MACROD2: variants seen among roughly 807,000 people sequenced by gnomAD.
The protein encoded by MACROD2 is mono-ADP ribosylhydrolase 2.
Under a neutral mutation model 70.4 loss-of-function variants are expected in MACROD2, and 36 were observed. The observed-to-expected ratio is 0.51, with a 90% CI of 0.39 to 0.68. MACROD2 has a LOEUF of 0.68. Ranked by LOEUF, MACROD2 falls within the 30% of genes least tolerant of loss-of-function variation. The pLI is 0.00. For missense variants in MACROD2, 496 were observed against 538.4 expected, an observed-to-expected ratio of 0.92 and a Z score of 0.78; for synonymous variants, 172 against 178.8, an observed-to-expected ratio of 0.96 and a Z score of 0.30.
At chr20:14,027,265 G>A (rs1318393999) in intron 2 of MACROD2, among the ~76,000 whole-genome samples, 1 of 151,916 alleles carries the variant, frequency 6.6e-6, no homozygotes, top group Non-Finnish European at 1.5e-5. Flanking sequence ...ATTGATACTT[G>A]TATATGCTTC....
At chr20:14,140,864 C>G (rs2054863752) in intron 3 of MACROD2, among the ~76,000 whole-genome samples, 1 of 152,274 alleles carries the variant, frequency 6.6e-6, no homozygotes. Flanking sequence ...ATCTAGCCCT[C>G]TATATGGATC....
chr20:15,479,263 C>G (rs80216057), intron 7 of MACROD2, among the ~76,000 whole-genome samples: 2,654 of 124,234 alleles, frequency 0.021, 101 homozygotes, highest in African/African-American at 0.085. Context: ...GATTCTCGCT[C>G]TCTTTTTTTT....
chr20:15,436,877 A>T (rs2046434281), intron 7 of MACROD2, among the ~76,000 whole-genome samples: 1 of 152,004 alleles, frequency 6.6e-6, no homozygotes, highest in South Asian at 2.1e-4. Context: ...TCCTGGTGGC[A>T]CTCTTTTTCT....
intron 5 of MACROD2, among the ~76,000 whole-genome samples, chr20:15,193,169 T>C (rs1001967665): frequency 6.6e-6 from 1 of 152,238 alleles, no homozygotes; most frequent in South Asian, 2.1e-4. Flanking sequence ...TTTTCTTTAC[T>C]TCTTTCTTTA....
chr20:15,713,986 T>C (rs1410780275), intron 8 of MACROD2, among the ~76,000 whole-genome samples: 2 of 97,418 alleles, frequency 2.1e-5, no homozygotes, highest in Admixed American at 9.5e-5. Flanking sequence ...CACACACATA[T>C]GCACACACAC....
Position 13,995,843 on chromosome 20 carries a change from G to A in MACROD2, c.46+34G>A. 1 of 1,542,430 alleles carries A rather than the reference G, an allele frequency of 6.5e-7. No individual in the cohort carries two copies. Among genetic ancestry groups the A allele is most frequent in the Non-Finnish European group, 8.8e-7 (1 of 1,140,754 alleles). Reference sequence around the variant, plus strand: ...CCCGTCGAGTCCTGGGGGTGCGGGCGGTGGGGGTTAGGGTGGGGGCGGGGG... The same window carrying A: ...CCCGTCGAGTCCTGGGGGTGCGGGCAGTGGGGGTTAGGGTGGGGGCGGGGG... On this transcript the variant is annotated intron_variant, in intron 1 of 17. Coordinates refer to ENST00000684519, the MANE Select transcript of MACROD2 (RefSeq NM_001351661.2). The surrounding 1 kb of genome is among the most constrained non-coding windows in gnomAD (Gnocchi z 4.3).
At chr20:14,205,972 C>T (rs1397329180) in intron 3 of MACROD2, among the ~76,000 whole-genome samples, 2 of 152,138 alleles carry the variant, frequency 1.3e-5, no homozygotes, top group East Asian at 1.9e-4. Flanking sequence ...ATCTAGATGA[C>T]AGTGCTTATA....
At chr20:14,432,357 T>C (rs1317705798) in intron 3 of MACROD2, among the ~76,000 whole-genome samples, 39 of 152,144 alleles carry the variant, frequency 2.6e-4, no homozygotes, top group Non-Finnish European at 2.9e-5. Context: ...AATGGAATTG[T>C]TTATTTTTAT....
At chr20:15,600,996 CAT>C (rs1247705994) in intron 8 of MACROD2, among the ~76,000 whole-genome samples, 1 of 152,176 alleles carries the variant, frequency 6.6e-6, no homozygotes, top group African/African-American at 2.4e-5. Flanking sequence ...TGCTTCATCA[CAT>C]AGCAAATTAG....
chr20:14,138,903 T>C (rs1475842611), intron 3 of MACROD2, among the ~76,000 whole-genome samples: 1 of 152,174 alleles, frequency 6.6e-6, no homozygotes, highest in South Asian at 2.1e-4. Context: ...ACCTTAAATA[T>C]GTATAATTTT....
intron 2 of MACROD2, among the ~76,000 whole-genome samples, chr20:14,021,242 G>A (rs577534316): frequency 4.6e-5 from 7 of 152,194 alleles, no homozygotes; most frequent in East Asian, 1.9e-4. Context: ...GCCTACCTTC[G>A]CCTCCCAAAG....
chr20:15,305,542 T>C (rs543174093), intron 6 of MACROD2, among the ~76,000 whole-genome samples: 142 of 152,262 alleles, frequency 9.3e-4, no homozygotes, highest in Non-Finnish European at 4.0e-4. Flanking sequence ...GTCGAGTTAC[T>C]GTGACAGCCT....
chr20:14,795,252 A>G (rs2072497061), intron 5 of MACROD2, among the ~76,000 whole-genome samples: 1 of 152,126 alleles, frequency 6.6e-6, no homozygotes, highest in African/African-American at 2.4e-5. Flanking sequence ...ATAGTTTTAA[A>G]AGTCACTCTG....
At chr20:14,631,935 A>T (rs1984537819) in intron 4 of MACROD2, 1 of 152,248 alleles carries the variant, frequency 6.6e-6, no homozygotes, top group Admixed American at 6.5e-5. Context: ...GGACTCTTAG[A>T]CAATGGCCAT....
At position 14,665,332 on chromosome 20, in the gene MACROD2, GT is replaced by G. The variant is rs112778882; in HGVS notation, c.302-19499del. On this transcript the variant is annotated intron_variant, in intron 4 of 17. Coordinates refer to ENST00000684519, the MANE Select transcript of MACROD2 (RefSeq NM_001351661.2). ...ATTGCCAGTTAAGATTTCAAGAACA[GT>G]TTTTTTTTTTTAACTGCAGTATGGG... 8.2e-3 allele frequency among the ~76,000 whole-genome samples: 1,191 copies of G among 145,234 alleles called. 16 individuals carry two copies. The highest frequency in any genetic ancestry group is 0.025 in the African/African-American group (1,016 of 39,964).
intron 5 of MACROD2, among the ~76,000 whole-genome samples, chr20:14,797,377 C>T (rs1233760990): frequency 6.6e-6 from 1 of 152,158 alleles, no homozygotes; most frequent in Middle Eastern, 3.4e-3. Context: ...CTTGCATGAT[C>T]TGGCTCCTGC....
chr20:15,978,867 GA>G (rs2066352794), intron 13 of MACROD2, among the ~76,000 whole-genome samples: 1 of 152,170 alleles, frequency 6.6e-6, no homozygotes, highest in Non-Finnish European at 1.5e-5. Flanking sequence ...GAACCATAAA[GA>G]TGGCATTTCA....
chr20:14,886,210 A>G (rs2073673370), intron 5 of MACROD2, among the ~76,000 whole-genome samples: 1 of 152,136 alleles, frequency 6.6e-6, no homozygotes, highest in African/African-American at 2.4e-5. Flanking sequence ...GGGTCTAGCT[A>G]TGAGGCTGTC....
intron 8 of MACROD2, among the ~76,000 whole-genome samples, chr20:15,708,587 G>C (rs1390751392): frequency 6.6e-6 from 1 of 152,154 alleles, no homozygotes; most frequent in East Asian, 1.9e-4. Flanking sequence ...ATAATGCCTC[G>C]ACTTGAGCCC....
Sources: gnomAD v4.1 joint callset for allele counts (sites outside exome capture counted in the v4.1 genomes callset) on GRCh38, gnomAD v4.1.1 for gene constraint, Gnocchi (gnomAD v3.1) non-coding constraint, MANE v1.5 for transcripts, NCBI Gene and HGNC (gene_info 2026-07-23, HGNC 2026-07-21) for gene names.